VPS45: variants seen among roughly 807,000 people sequenced by gnomAD.
VPS45 encodes the protein vacuolar protein sorting 45 homolog, also known as vacuolar protein sorting-associated protein 45.
In VPS45, 35 loss-of-function variants were observed where a neutral mutation model predicts 75.9. The observed-to-expected ratio is 0.46, with a 90% CI of 0.35 to 0.61. The LOEUF (loss-of-function observed/expected upper bound fraction) is 0.61, where lower values mean the gene tolerates loss of function less well. VPS45 is among the 20% of genes least tolerant of loss of function. The probability of loss-of-function intolerance (pLI) is 0.00; values close to 1 mark genes in which losing one functional copy is unlikely to be tolerated. For missense variants in VPS45, 559 were observed against 685.9 expected, an observed-to-expected ratio of 0.81 and a Z score of 2.07; for synonymous variants, 220 against 238.2, an observed-to-expected ratio of 0.92 and a Z score of 0.70.
chr1:150,113,831 G>A (rs1407772816), intron 14 of VPS45, among the ~76,000 whole-genome samples: 4 of 152,044 alleles, frequency 2.6e-5, no homozygotes, highest in Non-Finnish European at 5.9e-5. Context: ...GGAGGTAGAG[G>A]TTGCAGTGAG....
chr1:150,076,648 T>A (rs192722078), intron 4 of VPS45: 2 of 511,986 alleles, frequency 3.9e-6, no homozygotes, highest in African/African-American at 1.9e-5. Context: ...TACTAATTGA[T>A]AAGTATGCAT....
intron 13 of VPS45, among the ~76,000 whole-genome samples, chr1:150,097,346 C>T (rs1025919315): frequency 2.4e-4 from 36 of 151,536 alleles, no homozygotes; most frequent in Non-Finnish European, 5.9e-5. Context: ...ACCTCGTGAT[C>T]CGCCCGCCTC....
rs185426163 is a variant in VPS45 at position 150,088,622 on chromosome 1, G to A, written c.1105-3315G>A. Among the ~76,000 whole-genome samples the A allele has an allele frequency of 7.0e-3, 1,054 of 151,554 alleles. 8 individuals carry two copies. Among genetic ancestry groups the A allele is most frequent in the Middle Eastern group, 0.034 (10 of 290 alleles). ...AGCCTCCCCAGTAGCTGGGACTACA[G>A]GTATACACTGCCATGCCCAGCTAAT... On this transcript the variant is annotated intron_variant, in intron 10 of 14. Transcript: ENST00000644510.
chr1:150,107,618 C>G (rs868967249), intron 13 of VPS45, among the ~76,000 whole-genome samples: 1 of 152,156 alleles, frequency 6.6e-6, no homozygotes, highest in Non-Finnish European at 1.5e-5. Context: ...GCAAATTTGG[C>G]TGGGCATGGT....
chr1:150,069,863 G>A (rs1347733293), intron 2 of VPS45, among the ~76,000 whole-genome samples: 1 of 152,094 alleles, frequency 6.6e-6, no homozygotes, highest in Non-Finnish European at 1.5e-5. Context: ...ACTCCTGCTT[G>A]AAATCCTTGA....
intron 14 of VPS45, among the ~76,000 whole-genome samples, chr1:150,138,341 A>T (rs1328881389): frequency 6.6e-6 from 1 of 152,086 alleles, no homozygotes; most frequent in Non-Finnish European, 1.5e-5. Flanking sequence ...GCTTCCAGGA[A>T]CTATACTGTC....
intron 13 of VPS45, among the ~76,000 whole-genome samples, chr1:150,100,158 A>G (rs1376930693): frequency 6.6e-6 from 1 of 152,238 alleles, no homozygotes; most frequent in Non-Finnish European, 1.5e-5. Flanking sequence ...AAGTCAATGT[A>G]CAAAAATCAC....
intron 3 of VPS45, among the ~76,000 whole-genome samples, chr1:150,075,926 G>C (rs1299996147): frequency 1.5e-5 from 2 of 133,922 alleles, no homozygotes; most frequent in Non-Finnish European, 3.3e-5. Context: ...ATTTTTTTTT[G>C]TATTTTTAGT....
chr1:150,125,365 A>T (rs1034958526), intron 14 of VPS45, among the ~76,000 whole-genome samples: 8 of 147,934 alleles, frequency 5.4e-5, no homozygotes, highest in Middle Eastern at 3.5e-3. Context: ...ATATATATAT[A>T]TTTTTATTAT....
At chr1:150,136,696 G>T (rs1659119112) in intron 14 of VPS45, among the ~76,000 whole-genome samples, 1 of 149,316 alleles carries the variant, frequency 6.7e-6, no homozygotes, top group Non-Finnish European at 1.5e-5. Flanking sequence ...GACCATAAAG[G>T]ATAAGTAGGA....
intron 14 of VPS45, among the ~76,000 whole-genome samples, chr1:150,131,263 C>A (rs1407523029): frequency 6.6e-6 from 1 of 152,136 alleles, no homozygotes; most frequent in African/African-American, 2.4e-5. Context: ...ATTCCCAACA[C>A]TTTGGGAAGC....
Position 150,077,776 on chromosome 1 carries a change from C to G in VPS45, c.684C>G (p.Asn228Lys), listed in dbSNP as rs937860591. 1 of 1,611,278 alleles carries G rather than the reference C, an allele frequency of 6.2e-7. No individual in the cohort carries two copies. The highest frequency in any genetic ancestry group is 2.2e-5 in the East Asian group (1 of 44,844). ...RCDDAITPLL[N>K]QWTYQAMVHE... ...ATGATGCCATCACCCCATTGCTAAA[C>G]CAGGTACAAAACCCTTTCTTGGCAT... Residue 228 changes from asparagine to lysine, a missense_variant, in exon 7 of 15, where the codon AAC (asparagine) becomes AAG (lysine). Physicochemically the swap from Asn to Lys is moderately conservative, Grantham distance 94. Transcript: ENST00000644510.
In VPS45 at chr1:150,132,189, T is replaced by G. The variant is rs1047302601; in HGVS notation, c.1626-12520T>G. On this transcript the variant is annotated intron_variant, in intron 14 of 14. Coordinates refer to ENST00000644510, the MANE Select transcript of VPS45 (RefSeq NM_007259.5). ...ATGGGTTTGTTTCCTGCAGCCAGAA[T>G]GTTGAGTTATGGGAAAAAGTTATTC... is the stretch of plus-strand genomic sequence containing the variant. 3.3e-5 allele frequency among the ~76,000 whole-genome samples: 5 copies of G among 152,310 alleles called. No homozygotes were observed. In the South Asian group the frequency reaches 1.0e-3, roughly 32 times the overall value.
At chr1:150,125,347 AT>A (rs1198308587) in intron 14 of VPS45, among the ~76,000 whole-genome samples, 2 of 146,914 alleles carry the variant, frequency 1.4e-5, no homozygotes, top group Non-Finnish European at 3.0e-5. Context: ...TTTTTTATTT[AT>A]TTTTTAATAT....
chr1:150,074,443 A>AC (rs1166585746), intron 3 of VPS45, among the ~76,000 whole-genome samples: 14 of 152,210 alleles, frequency 9.2e-5, no homozygotes, highest in Admixed American at 2.6e-4. Context: ...GTATGAATGT[A>AC]CCACAGTTTG....
At chr1:150,124,100 A>T (rs1658378229) in intron 14 of VPS45, among the ~76,000 whole-genome samples, 1 of 152,192 alleles carries the variant, frequency 6.6e-6, no homozygotes, top group Non-Finnish European at 1.5e-5. Flanking sequence ...GCAAAGACAG[A>T]TAGTGCTGGC....
chr1:150,136,933 C>A (rs113961006), intron 14 of VPS45, among the ~76,000 whole-genome samples: 16,104 of 152,162 alleles, frequency 0.11, 1,198 homozygotes, highest in Non-Finnish European at 0.17. Context: ...GGGTCTCACC[C>A]TATCACCCAG....
intron 14 of VPS45, among the ~76,000 whole-genome samples, chr1:150,138,305 C>A (rs1176979984): frequency 1.3e-5 from 2 of 152,134 alleles, no homozygotes; most frequent in Non-Finnish European, 2.9e-5. Flanking sequence ...TGCTATGTTG[C>A]GCAGGCTGGT....
chr1:150,092,404 C>A lies in VPS45; in HGVS notation c.1366C>A (p.Leu456Met). Residue 456 changes from leucine (L) to methionine (M), a missense_variant, in exon 12 of 15, where the codon CTG becomes ATG. By Grantham distance (15) the Leu-to-Met change is conservative. Transcript: ENST00000644510. The part of the protein sequence containing the change: ...VAITKQFLKG[L>M]KGVENVYTQH... ...TATCACCAAACAATTCCTCAAAGGA[C>A]TGAAGGTATAGACATCTCCTCTATG... is the stretch of plus-strand genomic sequence containing the variant. 2 of 1,613,900 alleles carry A rather than the reference C, an allele frequency of 1.2e-6. No homozygotes were observed. Among genetic ancestry groups the A allele is most frequent in the African/African-American group, 2.7e-5 (2 of 75,034 alleles).
Sources: gnomAD v4.1 joint callset for allele counts (sites outside exome capture counted in the v4.1 genomes callset) on GRCh38, gnomAD v4.1.1 for gene constraint, MANE v1.5 for transcripts, NCBI Gene and HGNC (gene_info 2026-07-23, HGNC 2026-07-21) for gene names.